PCDH15: variants seen among roughly 807,000 people sequenced by gnomAD.
PCDH15 encodes the protein protocadherin-15.
In PCDH15, 129 loss-of-function variants were observed where a neutral mutation model predicts 178.5. The ratio of observed to expected loss-of-function variants is 0.72; its 90% CI spans 0.63 to 0.84. The LOEUF (loss-of-function observed/expected upper bound fraction) is 0.84, where lower values mean the gene tolerates loss of function less well. Ranked by LOEUF, PCDH15 falls within the 40% of genes least tolerant of loss-of-function variation. The pLI is 0.00. For synonymous variants in PCDH15, 800 were observed against 732.0 expected (o/e 1.09, Z -1.50); for missense variants, 2,230 against 2,099.9 (o/e 1.06, Z -1.21).
At chr10:55,291,699 T>C (rs887466793) in intron 1 of PCDH15, among the ~76,000 whole-genome samples, 8 of 152,200 alleles carry the variant, frequency 5.3e-5, no homozygotes, top group Non-Finnish European at 1.5e-5. Flanking sequence ...AAGCTTGTTG[T>C]ATTAGTCCAT....
intron 2 of PCDH15, among the ~76,000 whole-genome samples, chr10:55,444,809 T>C (rs1433959673): frequency 6.6e-6 from 1 of 152,148 alleles, no homozygotes; most frequent in South Asian, 2.1e-4. Flanking sequence ...TTGATTAAAA[T>C]TGACAAATTG....
At chr10:54,092,790 G>A (rs1359124262) in intron 15 of PCDH15, among the ~76,000 whole-genome samples, 1 of 151,956 alleles carries the variant, frequency 6.6e-6, no homozygotes, top group Non-Finnish European at 1.5e-5. Context: ...ACCCCAAAAA[G>A]CTTACAGTGA....
At chr10:53,820,704 T>C (rs955390640) in intron 32 of PCDH15, among the ~76,000 whole-genome samples, 9 of 151,972 alleles carry the variant, frequency 5.9e-5, no homozygotes, top group Non-Finnish European at 1.2e-4. Flanking sequence ...TTATACATTA[T>C]ATACTAATAT....
chr10:55,177,000 A>G (rs1287230435), intron 1 of PCDH15, among the ~76,000 whole-genome samples: 1 of 152,152 alleles, frequency 6.6e-6, no homozygotes, highest in African/African-American at 2.4e-5. Context: ...AACTGAGGAA[A>G]TCTCTCAGGA....
Position 54,540,230 on chromosome 10 carries a change from C to T in PCDH15, c.92-12353G>A, listed in dbSNP as rs1589985193. Among the ~76,000 whole-genome samples, 4 of 151,884 alleles carry T rather than the reference C, an allele frequency of 2.6e-5. No homozygotes were observed. In the South Asian group the frequency reaches 6.2e-4, roughly 24 times the overall value. ...ACCAAAAGTTGGTTGTTTGAAAGGA[C>T]GAATAAGATCTATAGACCACTGACT... is the stretch of plus-strand genomic sequence containing the variant. On this transcript the variant is annotated intron_variant, in intron 2 of 37. Transcript: ENST00000644397.
At chr10:55,388,633 G>T (rs1027373875) in intron 2 of PCDH15, among the ~76,000 whole-genome samples, 1 of 151,980 alleles carries the variant, frequency 6.6e-6, no homozygotes, top group African/African-American at 2.4e-5. Context: ...TTCTTTATTA[G>T]AAACTGATTA....
At chr10:54,169,817 G>A (rs560360391) in intron 13 of PCDH15, among the ~76,000 whole-genome samples, 83 of 151,964 alleles carry the variant, frequency 5.5e-4, no homozygotes, top group Admixed American at 2.5e-3. Context: ...GCCTTTTAAA[G>A]CCTATAAACT....
intron 2 of PCDH15, among the ~76,000 whole-genome samples, chr10:54,962,820 G>T (rs1031725157): frequency 1.3e-5 from 2 of 152,154 alleles, no homozygotes; most frequent in Non-Finnish European, 2.9e-5. Context: ...GCCAAGAACA[G>T]CCTGCTGGGC....
chr10:55,582,624 A>ATTTTTTTTTTT (rs1477154346), intron 2 of PCDH15, among the ~76,000 whole-genome samples: 2 of 62,268 alleles, frequency 3.2e-5, no homozygotes, highest in East Asian at 6.6e-4. Context: ...ATATATATAT[A>ATTTTTTTTTTT]TATATTTTTT....
At chr10:55,518,485 CAGAA>C (rs970458855) in intron 2 of PCDH15, among the ~76,000 whole-genome samples, 8 of 151,930 alleles carry the variant, frequency 5.3e-5, no homozygotes, top group Admixed American at 2.0e-4. Flanking sequence ...TACAAGCAGA[CAGAA>C]AGAGCAGAGA....
intron 17 of PCDH15, among the ~76,000 whole-genome samples, chr10:54,073,855 T>C (rs1024229353): frequency 5.3e-5 from 8 of 152,214 alleles, no homozygotes; most frequent in African/African-American, 1.7e-4. Flanking sequence ...CACTGTGTTA[T>C]TGGTTGATTA....
chr10:53,882,636 T>C (rs1287864201), intron 26 of PCDH15, among the ~76,000 whole-genome samples: 1 of 152,198 alleles, frequency 6.6e-6, no homozygotes, highest in Non-Finnish European at 1.5e-5. Flanking sequence ...GTGCTGGGAT[T>C]ACAGGTGTGA....
At chr10:55,121,016 C>T (rs1054920677) in intron 2 of PCDH15, among the ~76,000 whole-genome samples, 7 of 152,094 alleles carry the variant, frequency 4.6e-5, no homozygotes, top group African/African-American at 1.7e-4. Flanking sequence ...CCCTTGAGAA[C>T]CCAAAACTGT....
At chr10:55,580,108 C>T (rs898174567) in intron 2 of PCDH15, among the ~76,000 whole-genome samples, 1 of 152,136 alleles carries the variant, frequency 6.6e-6, no homozygotes, top group South Asian at 2.1e-4. Flanking sequence ...CCACCCGCCT[C>T]GGCCTCCCAA....
chr10:53,840,541 C>T (rs1388236598), intron 28 of PCDH15, 45 bp from the exon 29 acceptor site: 10 of 1,550,786 alleles, frequency 6.4e-6, no homozygotes, highest in Non-Finnish European at 7.1e-6. Flanking sequence ...AATGGGCTTT[C>T]TGGGAGTAAA....
chr10:55,015,934 T>C (rs1159277069), intron 2 of PCDH15, among the ~76,000 whole-genome samples: 4 of 152,058 alleles, frequency 2.6e-5, no homozygotes, highest in East Asian at 1.9e-4. Flanking sequence ...GGGGAGTTAA[T>C]ATTCTAGAAT....
intron 1 of PCDH15, among the ~76,000 whole-genome samples, chr10:55,238,885 G>A (rs1564921731): frequency 6.6e-6 from 1 of 152,056 alleles, no homozygotes. Context: ...AAGTACTTTT[G>A]TAAGCACAAT....
chr10:54,061,685 C>T (rs2094016864), intron 18 of PCDH15, among the ~76,000 whole-genome samples: 3 of 152,004 alleles, frequency 2.0e-5, no homozygotes, highest in Admixed American at 6.6e-5. Flanking sequence ...ACACTTGACA[C>T]AGAGTATATA....
intron 2 of PCDH15, among the ~76,000 whole-genome samples, chr10:54,990,512 T>C (rs187297775): frequency 1.3e-5 from 2 of 152,330 alleles, no homozygotes; most frequent in East Asian, 3.9e-4. Flanking sequence ...TTGAAAATCA[T>C]GAATTAAAAA....
Sources: allele counts gnomAD v4.1 joint callset (sites outside exome capture counted in the v4.1 genomes callset), GRCh38; gene constraint gnomAD v4.1.1; transcripts MANE v1.5; gene names NCBI Gene and HGNC (gene_info 2026-07-23, HGNC 2026-07-21).